The following GMDS variants were observed in gnomAD, a reference collection of about 807,000 sequenced individuals.
The protein encoded by GMDS is GDP-mannose 4,6 dehydratase.
GMDS carries 20 observed loss-of-function variants against 49.9 expected under a neutral mutation model. The observed-to-expected ratio is 0.40, with a 90% CI of 0.28 to 0.58. GMDS has a LOEUF of 0.58. Ranked by LOEUF, GMDS falls within the 20% of genes least tolerant of loss-of-function variation. GMDS has a pLI of 0.42. For synonymous variants in GMDS, 177 were observed against 178.6 expected, an observed-to-expected ratio of 0.99 and a Z score of 0.07; for missense variants, 362 against 481.4, an observed-to-expected ratio of 0.75 and a Z score of 2.32.
chr6:2,119,102 G>C (rs897378638), intron 2 of GMDS, among the ~76,000 whole-genome samples: 1 of 152,060 alleles, frequency 6.6e-6, no homozygotes, highest in African/African-American at 2.4e-5. Context: ...ATACTAAAAA[G>C]AGTAATTTAA....
intron 4 of GMDS, among the ~76,000 whole-genome samples, chr6:1,988,125 T>C (rs1175832049): frequency 6.6e-6 from 1 of 152,226 alleles, no homozygotes; most frequent in Non-Finnish European, 1.5e-5. Context: ...ACAAGCTAGA[T>C]ACAGAATTGG....
intron 4 of GMDS, among the ~76,000 whole-genome samples, chr6:2,013,723 A>G: frequency 6.6e-6 from 1 of 152,030 alleles, no homozygotes; most frequent in Non-Finnish European, 1.5e-5. Context: ...ATCGCAAACT[A>G]CAATGCAGAG....
intron 4 of GMDS, among the ~76,000 whole-genome samples, chr6:2,026,154 G>A (rs1768586109): frequency 6.6e-6 from 1 of 152,134 alleles, no homozygotes; most frequent in African/African-American, 2.4e-5. Flanking sequence ...AAGGCAAAGG[G>A]AGGTCAAAGG....
intron 4 of GMDS, among the ~76,000 whole-genome samples, chr6:1,994,976 T>C (rs1471280508): frequency 6.6e-6 from 1 of 152,140 alleles, no homozygotes; most frequent in Non-Finnish European, 1.5e-5. Context: ...TTTTGAACAC[T>C]ATAAAGCATG....
At chr6:2,035,581 A>G (rs1475892847) in intron 4 of GMDS, among the ~76,000 whole-genome samples, 1 of 152,154 alleles carries the variant, frequency 6.6e-6, no homozygotes, top group Non-Finnish European at 1.5e-5. Flanking sequence ...AAAAGCTCAA[A>G]TTTGTGTCAA....
chr6:1,883,117 T>C (rs1451670619), intron 7 of GMDS, among the ~76,000 whole-genome samples: 6 of 152,122 alleles, frequency 3.9e-5, no homozygotes, highest in African/African-American at 1.2e-4. Context: ...AATATAATTT[T>C]ATGGGCCGGG....
At chr6:1,674,051 C>T (rs979355178) in intron 9 of GMDS, among the ~76,000 whole-genome samples, 1 of 151,270 alleles carries the variant, frequency 6.6e-6, no homozygotes, top group South Asian at 2.1e-4. Context: ...TACATAGCCG[C>T]GAGGTTGCTG....
At chr6:2,106,391 G>C (rs1413520023) in intron 4 of GMDS, among the ~76,000 whole-genome samples, 2 of 152,018 alleles carry the variant, frequency 1.3e-5, no homozygotes, top group South Asian at 4.2e-4. Flanking sequence ...CATATGTAAG[G>C]ATAAAGTAGA....
At chr6:2,241,628 G>A (rs1016184261) in intron 1 of GMDS, among the ~76,000 whole-genome samples, 8 of 151,944 alleles carry the variant, frequency 5.3e-5, no homozygotes, top group East Asian at 3.9e-4. Flanking sequence ...CGCTAGAGCC[G>A]GTTGTTAAAA....
chr6:2,167,929 C>T lies in GMDS; in HGVS notation c.103-43198G>A, dbSNP rs79843693. On this transcript the variant is annotated intron_variant, in intron 1 of 10. Coordinates refer to ENST00000380815, the MANE Select transcript of GMDS (RefSeq NM_001500.4). ...TCACACAGCAGGCAGTCAATAAGTACTGCTTAAATAAGCGAACAAATGGCT... is the reference window on the plus strand; with the variant it reads ...TCACACAGCAGGCAGTCAATAAGTATTGCTTAAATAAGCGAACAAATGGCT... Among the ~76,000 whole-genome samples the T allele has an allele frequency of 3.5e-3, 534 of 152,344 alleles. 2 individuals are homozygous for T. Among genetic ancestry groups the T allele is most frequent in the Non-Finnish European group, 6.0e-3 (407 of 68,030 alleles).
At chr6:2,233,409 G>A (rs1581837450) in intron 1 of GMDS, among the ~76,000 whole-genome samples, 1 of 145,910 alleles carries the variant, frequency 6.9e-6, no homozygotes, top group Admixed American at 6.8e-5. Context: ...AAGGGCCAGA[G>A]AGTAAACATT....
intron 7 of GMDS, among the ~76,000 whole-genome samples, chr6:1,887,253 C>T (rs987039879): frequency 2.0e-5 from 3 of 148,078 alleles, no homozygotes; most frequent in Non-Finnish European, 3.0e-5. Flanking sequence ...GAGAGGTTTA[C>T]AAAATTTTGC....
intron 9 of GMDS, among the ~76,000 whole-genome samples, chr6:1,657,738 G>A (rs1368794261): frequency 6.6e-6 from 1 of 150,686 alleles, no homozygotes; most frequent in Non-Finnish European, 1.5e-5. Flanking sequence ...CAGGTGCCCC[G>A]CACTCACCAA....
At chr6:1,782,202 T>C (rs978231615) in intron 7 of GMDS, among the ~76,000 whole-genome samples, 1 of 152,158 alleles carries the variant, frequency 6.6e-6, no homozygotes, top group East Asian at 1.9e-4. Context: ...TAGCCCAAAA[T>C]ATATTTCTAG....
At chr6:1,709,541 T>C (rs979056042) in intron 9 of GMDS, among the ~76,000 whole-genome samples, 2 of 152,178 alleles carry the variant, frequency 1.3e-5, no homozygotes, top group African/African-American at 4.8e-5. Flanking sequence ...GGCCAACATC[T>C]CAGAGGTGAC....
intron 9 of GMDS, among the ~76,000 whole-genome samples, chr6:1,694,559 A>T (rs528984635): frequency 3.3e-4 from 50 of 152,340 alleles, no homozygotes; most frequent in African/African-American, 1.2e-3. Flanking sequence ...ATTAAAATCA[A>T]ACATATGCTT....
intron 4 of GMDS, among the ~76,000 whole-genome samples, chr6:2,059,963 G>A (rs138525313): frequency 0.013 from 1,913 of 151,916 alleles, 43 homozygotes; most frequent in African/African-American, 0.044. Context: ...TATGAAATAA[G>A]CTTTATTAAC....
intron 7 of GMDS, among the ~76,000 whole-genome samples, chr6:1,782,163 A>G (rs758969816): frequency 3.9e-5 from 6 of 152,210 alleles, no homozygotes; most frequent in Non-Finnish European, 7.3e-5. Context: ...ATTTGGTCCA[A>G]TTCTTTCATT....
At chr6:1,770,079 C>A (rs1284342547) in intron 7 of GMDS, among the ~76,000 whole-genome samples, 3 of 152,204 alleles carry the variant, frequency 2.0e-5, no homozygotes, top group African/African-American at 7.2e-5. Context: ...TAACTAAAAT[C>A]TTACAACATT....
Sources: allele counts gnomAD v4.1 joint callset (sites outside exome capture counted in the v4.1 genomes callset), GRCh38; gene constraint gnomAD v4.1.1; transcripts MANE v1.5; gene names NCBI Gene and HGNC (gene_info 2026-07-23, HGNC 2026-07-21).